The following IFRD1 variants were observed in gnomAD, a reference collection of about 807,000 sequenced individuals.
IFRD1 encodes the protein interferon related developmental regulator 1.
IFRD1 carries 35 observed loss-of-function variants against 52.9 expected under a neutral mutation model. The ratio of observed to expected loss-of-function variants is 0.66; its 90% CI spans 0.51 to 0.88. The LOEUF (loss-of-function observed/expected upper bound fraction) is 0.88. IFRD1 is among the 40% of genes least tolerant of loss of function. The probability of loss-of-function intolerance (pLI) is 0.00; values close to 1 mark genes in which losing one functional copy is unlikely to be tolerated. For synonymous variants in IFRD1, 184 were observed against 188.4 expected, an observed-to-expected ratio of 0.98 and a Z score of 0.19; for missense variants, 517 against 550.8, an observed-to-expected ratio of 0.94 and a Z score of 0.61.
chr7:112,469,819 A>T (rs886131544), intron 9 of IFRD1, among the ~76,000 whole-genome samples: 1 of 152,150 alleles, frequency 6.6e-6, no homozygotes, highest in African/African-American at 2.4e-5. Flanking sequence ...AACCATTCCT[A>T]TCCCATAGTG....
chr7:112,441,206 C>T (rs557259158), intron 1 of IFRD1, among the ~76,000 whole-genome samples: 110 of 152,142 alleles, frequency 7.2e-4, no homozygotes, highest in Non-Finnish European at 1.4e-3. Flanking sequence ...ACCTGGGAGA[C>T]GGAGGTTGCA....
At chr7:112,429,997 C>T (rs1433532046) in intron 1 of IFRD1, among the ~76,000 whole-genome samples, 1 of 152,192 alleles carries the variant, frequency 6.6e-6, no homozygotes, top group Non-Finnish European at 1.5e-5. Context: ...CAGCTTCTTC[C>T]TACTTCTTTA....
At chr7:112,436,680 G>T (rs1335469516) in intron 1 of IFRD1, among the ~76,000 whole-genome samples, 1 of 151,940 alleles carries the variant, frequency 6.6e-6, no homozygotes, top group Non-Finnish European at 1.5e-5. Flanking sequence ...TAGCTAGAGG[G>T]TGGCCATGAA....
At chr7:112,451,517 A>G (rs1342686267) in intron 1 of IFRD1, among the ~76,000 whole-genome samples, 1 of 152,212 alleles carries the variant, frequency 6.6e-6, no homozygotes, top group Non-Finnish European at 1.5e-5. Flanking sequence ...TGTTCTCTGC[A>G]GTGAGCCCCA....
At chr7:112,446,239 G>A (rs1037076426), upstream of IFRD1, 5 of 205,122 alleles carry the variant, frequency 2.4e-5, no homozygotes, top group East Asian at 1.2e-4. Flanking sequence ...GGCCATAAAC[G>A]CTCCAGTACC....
At chr7:112,443,750 C>G (rs901776556) in intron 1 of IFRD1, among the ~76,000 whole-genome samples, 2 of 151,388 alleles carry the variant, frequency 1.3e-5, no homozygotes, top group Non-Finnish European at 2.9e-5. Context: ...CGCCTGTAAT[C>G]CCTCGGGAGG....
chr7:112,466,463 G>A lies in IFRD1; in HGVS notation c.907-1518G>A, dbSNP rs541023914. Among the ~76,000 whole-genome samples, 8 of 152,226 alleles carry A rather than the reference G, an allele frequency of 5.3e-5. 1 individual carries two copies. In the East Asian group the frequency reaches 1.5e-3, roughly 29 times the overall value. ...GGCTGGATTATATTTTGTCATTGTA[G>A]GGGTGGGGGCTGTCTTGTGCATTGA... On this transcript the variant is annotated intron_variant, in intron 8 of 11. Coordinates refer to ENST00000403825, the MANE Select transcript of IFRD1 (RefSeq NM_001550.4).
At chr7:112,456,121 C>A in intron 3 of IFRD1, 35 bp downstream of exon 3, 1 of 1,155,272 alleles carries the variant, frequency 8.7e-7, no homozygotes, top group Non-Finnish European at 1.3e-6. Context: ...CTGTGTGAGT[C>A]TATGCTTGAT....
At chr7:112,431,210 T>G (rs1794541206) in intron 1 of IFRD1, among the ~76,000 whole-genome samples, 1 of 152,222 alleles carries the variant, frequency 6.6e-6, no homozygotes, top group Non-Finnish European at 1.5e-5. Context: ...GTCTTGCTCT[T>G]TTGGCTAGAA....
chr7:112,475,588 GAC>G lies in IFRD1; in HGVS notation c.*73_*74del, dbSNP rs1191766529. 13 of 944,122 alleles carry G rather than the reference GAC, an allele frequency of 1.4e-5. No homozygotes were observed. Among genetic ancestry groups the G allele is most frequent in the African/African-American group, 4.9e-5 (3 of 60,940 alleles). The allele number at this position is 944,122 out of a possible 1,614,324, so 58.5% of individuals were successfully genotyped here. A position where few individuals can be genotyped will look rare whatever the true frequency, so the allele number is the denominator to read the frequency against. ...TCTATTTCAATGTATTTAAACTCTA[GAC>G]ACAGTTTTTATCCTGGATTAACTTA... On this transcript the variant is annotated 3_prime_UTR_variant, in exon 12 of 12. Transcript: ENST00000403825.
At chr7:112,475,285 A>T (rs569890147) in intron 11 of IFRD1, 145 bp from the exon 12 acceptor site, 1 of 632,182 alleles carries the variant, frequency 1.6e-6, no homozygotes, top group East Asian at 2.8e-5. Context: ...TTTCTCCTTC[A>T]TTCTTTGTGT....
At chr7:112,465,867 A>T (rs754183864) in intron 8 of IFRD1, among the ~76,000 whole-genome samples, 1 of 152,212 alleles carries the variant, frequency 6.6e-6, no homozygotes, top group African/African-American at 2.4e-5. Context: ...CAAGTCTAGA[A>T]TATTGATAAA....
intron 3 of IFRD1, among the ~76,000 whole-genome samples, chr7:112,456,464 A>G (rs1366341532): frequency 1.3e-5 from 2 of 152,174 alleles, no homozygotes; most frequent in Non-Finnish European, 2.9e-5. Flanking sequence ...CACTAATGTT[A>G]TGATATGAAA....
At chr7:112,452,304 G>A in intron 1 of IFRD1, 1 of 289,924 alleles carries the variant, frequency 3.4e-6, no homozygotes, top group Non-Finnish European at 5.1e-6. Flanking sequence ...AGGACTACAG[G>A]CATGTGACAC....
intron 8 of IFRD1, among the ~76,000 whole-genome samples, chr7:112,462,583 G>C (rs1473356114): frequency 6.6e-6 from 1 of 152,014 alleles, no homozygotes; most frequent in Non-Finnish European, 1.5e-5. Flanking sequence ...GTTTGACTGT[G>C]GTTCATTATA....
chr7:112,444,064 T>C lies in IFRD1; in HGVS notation c.-181-6444T>C, dbSNP rs773620895. On this transcript the variant is annotated intron_variant, in intron 1 of 12. Transcript: ENST00000005558. ...TTATGTTCAACAAAAAGATAATTCCTACTTACGCTGTTGCCATAAAAAGTT... is the reference window on the plus strand; with the variant it reads ...TTATGTTCAACAAAAAGATAATTCCCACTTACGCTGTTGCCATAAAAAGTT... Among the ~76,000 whole-genome samples, 120 of 152,248 alleles carry C rather than the reference T, an allele frequency of 7.9e-4. 1 individual carries two copies. Among genetic ancestry groups the C allele is most frequent in the Non-Finnish European group, 3.2e-4 (22 of 68,046 alleles).
At chr7:112,434,386 T>C (rs1390093036) in intron 1 of IFRD1, among the ~76,000 whole-genome samples, 1 of 152,204 alleles carries the variant, frequency 6.6e-6, no homozygotes, top group Non-Finnish European at 1.5e-5. Context: ...AGGAGCCTTC[T>C]TAAAATTTGT....
intron 1 of IFRD1, among the ~76,000 whole-genome samples, chr7:112,426,106 G>A (rs530761906): frequency 6.6e-6 from 1 of 152,230 alleles, no homozygotes; most frequent in South Asian, 2.1e-4. Context: ...CCAGCTGCTT[G>A]GGAGACTGAG....
chr7:112,431,570 A>C (rs1794548396), intron 1 of IFRD1, among the ~76,000 whole-genome samples: 1 of 152,216 alleles, frequency 6.6e-6, no homozygotes, highest in South Asian at 2.1e-4. Flanking sequence ...ATATCTATGC[A>C]GTCCTCCTTC....
Sources: allele counts gnomAD v4.1 joint callset (sites outside exome capture counted in the v4.1 genomes callset), GRCh38; gene constraint gnomAD v4.1.1; transcripts MANE v1.5; gene names NCBI Gene and HGNC (gene_info 2026-07-23, HGNC 2026-07-21).